The following DHX40 variants were observed in gnomAD, a reference collection of about 807,000 sequenced individuals.
The protein encoded by DHX40 is DEAH-box helicase 40.
A neutral mutation model predicts 89.6 loss-of-function variants in DHX40; 28 were observed. That is an observed-to-expected ratio of 0.31 (90% CI 0.23 to 0.43). The LOEUF (loss-of-function observed/expected upper bound fraction) is 0.43. Among genes scored for constraint, DHX40 ranks in the 20% least tolerant of loss-of-function variants. The pLI is 1.00. For missense variants in DHX40, 457 were observed against 844.0 expected (o/e 0.54, Z 5.68); for synonymous variants, 226 against 283.6 (o/e 0.80, Z 2.04).
chr17:59,601,744 G>A (rs1249644824), intron 14 of DHX40, among the ~76,000 whole-genome samples: 1 of 152,068 alleles, frequency 6.6e-6, no homozygotes, highest in Non-Finnish European at 1.5e-5. Context: ...ACCTTGTTGG[G>A]TGCTGGATAT....
At chr17:59,569,712 T>TATATATATTATAGATATATATATA in intron 2 of DHX40, among the ~76,000 whole-genome samples, 5 of 127,660 alleles carry the variant, frequency 3.9e-5, no homozygotes, top group African/African-American at 1.6e-4. Flanking sequence ...TATATATATC[T>TATATATATTATAGATATATATATA]ATATATATAT....
intron 12 of DHX40, among the ~76,000 whole-genome samples, chr17:59,590,885 A>G (rs925052303): frequency 1.3e-5 from 2 of 151,596 alleles, no homozygotes; most frequent in African/African-American, 2.4e-5. Context: ...ATGAGGCAGT[A>G]TCAGAGCTAA....
chr17:59,574,385 T>G (rs1311469707), intron 6 of DHX40, 131 bp downstream of exon 6: 2 of 411,730 alleles, frequency 4.9e-6, no homozygotes, highest in Non-Finnish European at 9.2e-6. Context: ...TCTGATTATC[T>G]GAATAATTTT....
intron 17 of DHX40, 107 bp downstream of exon 17, chr17:59,605,781 G>A (rs1341970226): frequency 1.9e-6 from 2 of 1,038,770 alleles, no homozygotes; most frequent in Non-Finnish European, 2.9e-6. Flanking sequence ...GGGCAATGTG[G>A]TGAGATCCCA....
intron 15 of DHX40, 136 bp from the exon 16 acceptor site, chr17:59,604,979 T>G: frequency 1.4e-6 from 1 of 707,090 alleles, no homozygotes; most frequent in Non-Finnish European, 2.4e-6. Context: ...TAGTGACAGT[T>G]GAATAAATGT....
chr17:59,574,682 A>G (rs533621034), intron 6 of DHX40, among the ~76,000 whole-genome samples: 7 of 151,520 alleles, frequency 4.6e-5, no homozygotes, highest in African/African-American at 1.7e-4. Flanking sequence ...TCTGTCTTAG[A>G]TAGAAATGTA....
chr17:59,599,961 TTAC>T (rs2030379483), intron 14 of DHX40, among the ~76,000 whole-genome samples: 1 of 151,232 alleles, frequency 6.6e-6, no homozygotes, highest in African/African-American at 2.4e-5. Flanking sequence ...GTAGCTGGGA[TTAC>T]AGGCTTGCGT....
intron 4 of DHX40, 135 bp from the exon 5 acceptor site, chr17:59,573,605 G>C: frequency 9.7e-7 from 1 of 1,034,156 alleles, no homozygotes; most frequent in Non-Finnish European, 1.4e-6. Flanking sequence ...TTACAGGTGT[G>C]AGCCACTGCA....
At position 59,585,851 on chromosome 17, in the gene DHX40, GAGT is replaced by G. The variant is rs1406477540; in HGVS notation, c.1344-299_1344-297del. On this transcript the variant is annotated intron_variant, in intron 10 of 17. Transcript: ENST00000251241. ...GAAAAAAATTATGGACTGCAGAAAA[GAGT>G]AGACTTGACAGGCTGTGAAGGATGG... Among the ~76,000 whole-genome samples the G allele has an allele frequency of 1.2e-4, 18 of 148,762 alleles. 1 individual carries two copies. The highest frequency in any genetic ancestry group is 1.2e-3 in the Admixed American group (18 of 14,934).
intron 12 of DHX40, among the ~76,000 whole-genome samples, chr17:59,589,947 C>T (rs1479539320): frequency 6.6e-6 from 1 of 150,944 alleles, no homozygotes; most frequent in African/African-American, 2.5e-5. Context: ...TCTGGAACTC[C>T]TGACCTCAGG....
chr17:59,603,492 T>C (rs1024444263), intron 15 of DHX40: 2 of 152,094 alleles, frequency 1.3e-5, no homozygotes, highest in Non-Finnish European at 2.9e-5. Flanking sequence ...AAAGAAGTGA[T>C]TAACAAAGGT....
chr17:59,579,494 G>C lies in DHX40; in HGVS notation c.1096G>C (p.Val366Leu). ...GIRYVVDGGF[V>L]KQLNHNPRLG... is the part of the protein sequence containing the mutation. The stretch of plus-strand genomic sequence containing the variant: ...TAGATATGTGGTAGATGGTGGCTTC[G>C]TGAAGCAGTTAAATCACAACCCCAG... The change falls in exon 9 of 18, where the codon GTG becomes CTG. Residue 366 changes from valine to leucine, a missense_variant. Around this residue, in one of 9 missense-constraint regions of DHX40, gnomAD observed 19 missense variants for 110.3 expected, o/e 0.17. Coordinates refer to ENST00000251241, the MANE Select transcript of DHX40 (RefSeq NM_024612.5). 7.0e-7 allele frequency: 1 copy of C among 1,433,838 alleles called. No homozygotes were observed. The highest frequency in any genetic ancestry group is 9.0e-7 in the Non-Finnish European group (1 of 1,115,272). 88.8% of individuals were successfully genotyped at this position (1,433,838 alleles called of 1,614,324 possible).
intron 17 of DHX40, 112 bp from the exon 18 acceptor site, chr17:59,606,921 T>C: frequency 1.9e-6 from 2 of 1,062,856 alleles, no homozygotes; most frequent in Non-Finnish European, 2.7e-6. Flanking sequence ...ATTTTTCTCT[T>C]TATTGTTTTT....
intron 10 of DHX40, 44 bp from the exon 11 acceptor site, chr17:59,586,109 G>A (rs1000915468): frequency 5.0e-6 from 7 of 1,390,898 alleles, no homozygotes; most frequent in South Asian, 1.3e-5. Flanking sequence ...ATCCTACCAT[G>A]TTCAAGGAAT....
At chr17:59,588,131 A>G in intron 12 of DHX40, 78 bp downstream of exon 12, 2 of 1,580,988 alleles carry the variant, frequency 1.3e-6, no homozygotes, top group African/African-American at 1.4e-5. Flanking sequence ...CTGTAATCCC[A>G]TCACTTTGGG....
At chr17:59,575,571 A>G (rs2048869649) in intron 7 of DHX40, 100 bp downstream of exon 7, 1 of 977,136 alleles carries the variant, frequency 1.0e-6, no homozygotes, top group Non-Finnish European at 1.5e-6. Flanking sequence ...TGCTTAGGTA[A>G]GTTTCACAAA....
intron 2 of DHX40, among the ~76,000 whole-genome samples, chr17:59,567,881 G>T (rs1334262203): frequency 6.6e-6 from 1 of 151,186 alleles, no homozygotes; most frequent in African/African-American, 2.4e-5. Flanking sequence ...GCAGTGAGCC[G>T]AGATCGTGCC....
Position 59,573,338 on chromosome 17 carries a change from T to C in DHX40, c.546+103T>C, listed in dbSNP as rs1047883318. On this transcript the variant is annotated intron_variant, in intron 4 of 17. Transcript: ENST00000251241. ...CCTCCTCTTACTTTTTAATTTAATT[T>C]AATTTTTTAGAGATGGAGTCTTGCT... 3.0e-6 allele frequency: 3 copies of C among 1,013,276 alleles called. No homozygotes were observed. The African/African-American group carries it at 5.0e-5, about 17-fold the overall frequency. The allele number at this position is 1,013,276 out of a possible 1,614,324, so 62.8% of individuals were successfully genotyped here.
chr17:59,567,208 G>A (rs546534273), intron 2 of DHX40, among the ~76,000 whole-genome samples: 7 of 152,106 alleles, frequency 4.6e-5, no homozygotes, highest in Non-Finnish European at 8.8e-5. Flanking sequence ...CTTTGCCAGC[G>A]CAAGCCAACT....
Sources: gnomAD v4.1 joint callset for allele counts (sites outside exome capture counted in the v4.1 genomes callset) on GRCh38, gnomAD v4.1.1 for gene constraint, gnomAD v4.1.1 regional missense constraint, MANE v1.5 for transcripts, NCBI Gene and HGNC (gene_info 2026-07-23, HGNC 2026-07-21) for gene names.